The following AFF2 variants were observed in gnomAD, a reference collection of about 807,000 sequenced individuals.
The protein encoded by AFF2 is ALF transcription elongation factor 2, also known as AF4/FMR2 family member 2.
Under a neutral mutation model 76.9 loss-of-function variants are expected in AFF2, and 14 were observed. The observed-to-expected ratio is 0.18, with a 90% confidence interval of 0.12 to 0.28. The LOEUF (loss-of-function observed/expected upper bound fraction) is 0.28. Among genes scored for constraint, AFF2 ranks in the 10% least tolerant of loss-of-function variants. The pLI is 1.00. For missense variants in AFF2, 868 were observed against 1,001.1 expected (o/e 0.87, Z 1.79); for synonymous variants, 398 against 366.7 (o/e 1.09, Z -0.98).
intron 19 of AFF2, 35 bp from the exon 20 acceptor site, chrX:148,987,329 TACC>T (rs1361389837): frequency 8.7e-7 from 1 of 1,155,760 alleles, no homozygotes; most frequent in Non-Finnish European, 1.2e-6. Flanking sequence ...CACTCTTTCC[TACC>T]AGCCTAACAA....
chrX:148,744,405 G>A (rs1316498353), intron 3 of AFF2, among the ~76,000 whole-genome samples: 5 of 112,059 alleles, frequency 4.5e-5, no homozygotes, highest in Admixed American at 1.9e-4. Flanking sequence ...ACAAGTTAAG[G>A]CATAATGTCA....
At chrX:148,575,010 C>T (rs1557243220) in intron 1 of AFF2, among the ~76,000 whole-genome samples, 1 of 107,708 alleles carries the variant, frequency 9.3e-6, no homozygotes, top group Non-Finnish European at 1.9e-5. Flanking sequence ...GCACTGGACA[C>T]TGTGCCTGGG....
chrX:148,583,207 A>G (rs1557245348), intron 1 of AFF2, among the ~76,000 whole-genome samples: 1 of 111,654 alleles, frequency 9.0e-6, no homozygotes, highest in Non-Finnish European at 1.9e-5. Context: ...TGAGTACACT[A>G]AAAACATCTA....
At chrX:148,879,592 G>A (rs192970921) in intron 7 of AFF2, among the ~76,000 whole-genome samples, 160 of 111,770 alleles carry the variant, frequency 1.4e-3, no homozygotes, top group Non-Finnish European at 2.0e-3. Context: ...TTAAGCCTTC[G>A]TTTGGTAGCA....
chrX:148,888,783 G>A (rs2071189784), intron 8 of AFF2, among the ~76,000 whole-genome samples: 1 of 111,437 alleles, frequency 9.0e-6, no homozygotes, highest in African/African-American at 3.3e-5. Context: ...AACCTTAGCA[G>A]TAGGTTTGGG....
chrX:148,520,151 TG>T (rs2052579085), intron 1 of AFF2, among the ~76,000 whole-genome samples: 1 of 111,496 alleles, frequency 9.0e-6, no homozygotes, highest in African/African-American at 3.3e-5. Context: ...TTGGATTCAG[TG>T]AAACCCGAAA....
intron 3 of AFF2, among the ~76,000 whole-genome samples, chrX:148,747,702 C>CAA (rs782657293): frequency 3.0e-4 from 33 of 111,677 alleles, no homozygotes; most frequent in African/African-American, 1.0e-3. Context: ...TTTAGACTCT[C>CAA]AAAAGCTGGG....
chrX:148,800,278 A>G (rs1340780742), intron 3 of AFF2, among the ~76,000 whole-genome samples: 1 of 111,730 alleles, frequency 9.0e-6, no homozygotes, highest in African/African-American at 3.2e-5. Context: ...AGTGCGGAGT[A>G]TAGAGAGTCA....
intron 3 of AFF2, among the ~76,000 whole-genome samples, chrX:148,698,623 T>C (rs185645525): frequency 3.6e-5 from 4 of 112,331 alleles, no homozygotes; most frequent in Admixed American, 2.8e-4. Flanking sequence ...TTTCCAATTA[T>C]ATGGTTTGCA....
At chrX:148,800,851 T>C (rs2070048928) in intron 3 of AFF2, among the ~76,000 whole-genome samples, 2 of 112,474 alleles carry the variant, frequency 1.8e-5, no homozygotes, top group Admixed American at 9.4e-5. Context: ...GTAAAATGCT[T>C]GCTTGAATAC....
chrX:148,917,618 A>G (rs2071546955), intron 9 of AFF2, among the ~76,000 whole-genome samples: 1 of 111,926 alleles, frequency 8.9e-6, no homozygotes, highest in Admixed American at 9.5e-5. Flanking sequence ...AAAAGCATTC[A>G]GCAGCTTTTC....
At chrX:148,723,392 G>A (rs1240728433) in intron 3 of AFF2, among the ~76,000 whole-genome samples, 2 of 111,574 alleles carry the variant, frequency 1.8e-5, no homozygotes, top group East Asian at 2.8e-4. Context: ...TACAGCTCAC[G>A]GGCCTGGCAT....
chrX:148,755,041 C>T (rs2055545739), intron 3 of AFF2, among the ~76,000 whole-genome samples: 1 of 111,545 alleles, frequency 9.0e-6, no homozygotes, highest in African/African-American at 3.3e-5. Flanking sequence ...GTGGTGATTA[C>T]GTTTTGTAAC....
intron 2 of AFF2, among the ~76,000 whole-genome samples, chrX:148,656,791 C>T (rs1450965633): frequency 9.0e-6 from 1 of 111,348 alleles, no homozygotes; most frequent in Non-Finnish European, 1.9e-5. Context: ...TGAGCCACCG[C>T]GCCCGGCCGA....
chrX:148,741,443 C>G (rs781918354), intron 3 of AFF2, among the ~76,000 whole-genome samples: 1 of 110,604 alleles, frequency 9.0e-6, no homozygotes, highest in Non-Finnish European at 1.9e-5. Context: ...ACAGGCCTCA[C>G]CTAGCTCCCA....
intron 3 of AFF2, among the ~76,000 whole-genome samples, chrX:148,691,084 A>G (rs1413194658): frequency 5.7e-4 from 64 of 112,017 alleles, no homozygotes; most frequent in Non-Finnish European, 1.9e-4. Context: ...GGATGTTAGG[A>G]CATTCATATA....
At chrX:148,767,100 A>G (rs2069528698) in intron 3 of AFF2, among the ~76,000 whole-genome samples, 1 of 110,689 alleles carries the variant, frequency 9.0e-6, no homozygotes. Context: ...TGTACAGGTA[A>G]AACAGTTGTT....
rs191122996 is a variant in AFF2 at position 148,858,988 on chromosome X, G to C, written c.1262+15555G>C. 4.3e-3 allele frequency among the ~76,000 whole-genome samples: 459 copies of C among 107,270 alleles called. 5 individuals are homozygous for C. Among genetic ancestry groups the C allele is most frequent in the Non-Finnish European group, 6.7e-3 (347 of 51,864 alleles). The allele number at this position is 107,270 out of a possible 115,157, so 93.2% of individuals were successfully genotyped here. The stretch of plus-strand genomic sequence containing the variant: ...ACAGTAGGAAAGATTTTCATTACTA[G>C]ATATATGAAAAAACTACAATACGCT... On this transcript the variant is annotated intron_variant, in intron 7 of 20. Transcript: ENST00000370460.
At chrX:148,774,806 G>A (rs782462470) in intron 3 of AFF2, among the ~76,000 whole-genome samples, 2 of 111,970 alleles carry the variant, frequency 1.8e-5, no homozygotes, top group South Asian at 3.7e-4. Context: ...TAAAACAGTA[G>A]CCCAATGCTG....
Sources: gnomAD v4.1 joint callset for allele counts (sites outside exome capture counted in the v4.1 genomes callset) on GRCh38, gnomAD v4.1.1 for gene constraint, MANE v1.5 for transcripts, NCBI Gene and HGNC (gene_info 2026-07-23, HGNC 2026-07-21) for gene names.